Variants in ACER1 observed in about 807,000 individuals in gnomAD.
ACER1 encodes the protein CTB-180A7.3.
ACER1 carries 28 observed loss-of-function variants against 24.9 expected under a neutral mutation model. The observed-to-expected ratio is 1.13, with a 90% CI of 0.83 to 1.54. The LOEUF (loss-of-function observed/expected upper bound fraction) is 1.54, where lower values mean the gene tolerates loss of function less well. Ranked by LOEUF, ACER1 falls within the 40% of genes most tolerant of loss-of-function variation. The pLI is 0.00. For synonymous variants in ACER1, 132 were observed against 131.4 expected, an observed-to-expected ratio of 1.00 and a Z score of -0.03; for missense variants, 352 against 349.3, an observed-to-expected ratio of 1.01 and a Z score of -0.06.
upstream of ACER1, among the ~76,000 whole-genome samples, chr19:6,337,557 G>A (rs1324535197): frequency 6.9e-6 from 1 of 145,018 alleles, no homozygotes; most frequent in Non-Finnish European, 1.5e-5. Flanking sequence ...AGGTTCAAAC[G>A]ATTCTCTTGC....
At chr19:6,338,007 G>A (rs2091721822), upstream of ACER1, among the ~76,000 whole-genome samples, 1 of 151,308 alleles carries the variant, frequency 6.6e-6, no homozygotes, top group South Asian at 2.1e-4. Context: ...TAATATTTTG[G>A]CCCAGTGCAG....
chr19:6,350,510 G>T, the ACER1 span, among the ~76,000 whole-genome samples: 2 of 151,900 alleles, frequency 1.3e-5, no homozygotes, highest in Non-Finnish European at 2.9e-5. Flanking sequence ...GGCGGAGGTT[G>T]CAGTGAGCCG....
the ACER1 span, among the ~76,000 whole-genome samples, chr19:6,347,109 A>AATATATATATATATAT: frequency 3.8e-4 from 43 of 113,760 alleles, no homozygotes; most frequent in African/African-American, 1.9e-3. Context: ...AAAAAAAAAA[A>AATATATATATATATAT]ATATATATAT....
the ACER1 span, among the ~76,000 whole-genome samples, chr19:6,353,960 T>G: frequency 6.6e-6 from 1 of 151,848 alleles, no homozygotes; most frequent in African/African-American, 2.4e-5. Context: ...GGTGGGCAAA[T>G]CACCTGAGGT....
intron 1 of ACER1, among the ~76,000 whole-genome samples, chr19:6,319,833 C>A (rs1044755430): frequency 2.0e-5 from 3 of 151,928 alleles, no homozygotes; most frequent in Non-Finnish European, 2.9e-5. Flanking sequence ...CAGAAGGGGC[C>A]AGGCGCAGTG....
chr19:6,326,879 C>T (rs971209477), intron 1 of ACER1, among the ~76,000 whole-genome samples: 1 of 152,280 alleles, frequency 6.6e-6, no homozygotes, highest in East Asian at 1.9e-4. Flanking sequence ...CATCTCTCCC[C>T]ACATTGTAGC....
chr19:6,352,082 AT>A, the ACER1 span, among the ~76,000 whole-genome samples: 1 of 151,402 alleles, frequency 6.6e-6, no homozygotes, highest in East Asian at 1.9e-4. Context: ...AATTCAAGCC[AT>A]TTAAGTAGTC....
chr19:6,355,496 A>C, the ACER1 span, among the ~76,000 whole-genome samples: 1 of 146,860 alleles, frequency 6.8e-6, no homozygotes, highest in East Asian at 2.0e-4. Flanking sequence ...AGAAGTGAGG[A>C]GCCCCTCTGC....
chr19:6,309,487 A>C (rs1230362098), intron 4 of ACER1, among the ~76,000 whole-genome samples: 1 of 152,018 alleles, frequency 6.6e-6, no homozygotes, highest in Non-Finnish European at 1.5e-5. Flanking sequence ...ACGCCCCTGC[A>C]CTCCAGCCTG....
chr19:6,312,425 G>A lies in ACER1; in HGVS notation c.168C>T (p.Ser56=). 6.2e-7 allele frequency: 1 copy of A among 1,613,952 alleles called. No individual in the cohort carries two copies. The highest frequency in any genetic ancestry group is 1.1e-5 in the South Asian group (1 of 91,074). Residue 56 remains serine, a synonymous_variant, in exon 2 of 6, where the codon TCC becomes TCT. Transcript: ENST00000301452. ...GGACCCAGACAACGTAAATGTAGCG[G>A]GAGCGCTTCTGGGCATACGGGTGCA... The part of the protein sequence containing the change: ...LLMHPYAQKR[S]RYIYVVWVLF...
chr19:6,336,410 A>G (rs976725999), upstream of ACER1, among the ~76,000 whole-genome samples: 43 of 152,184 alleles, frequency 2.8e-4, no homozygotes, highest in Admixed American at 2.2e-3. Flanking sequence ...CAGGCAAGGA[A>G]CACCACCTCT....
At chr19:6,328,020 G>T (rs559667387) in intron 1 of ACER1, among the ~76,000 whole-genome samples, 1 of 151,012 alleles carries the variant, frequency 6.6e-6, no homozygotes, top group African/African-American at 2.4e-5. Context: ...AGGTTGTGGT[G>T]AGCCAAGATT....
Position 6,312,304 on chromosome 19 carries a change from G to C in ACER1, c.209-14C>G. ...TGGAGAACAGGCCTGCAGCGGCAAG[G>C]GCAGGCGGTCAGTGGGGTCCGCCAC... On this transcript the variant is annotated splice_polypyrimidine_tract_variant and intron_variant, in intron 2 of 5. Coordinates refer to ENST00000301452, the MANE Select transcript of ACER1 (RefSeq NM_133492.3). 6.2e-7 allele frequency: 1 copy of C among 1,613,906 alleles called. No homozygotes were observed. Among genetic ancestry groups the C allele is most frequent in the Non-Finnish European group, 8.5e-7 (1 of 1,179,882 alleles).
rs528641474 is a variant in ACER1 at position 6,306,300 on chromosome 19, G to A, written c.*414C>T. ...TGACCTCAGGTGATCCACCCACCTCGGCCTCCCAAAGTGCTGGGATTATAG... is the reference window on the plus strand; with the variant it reads ...TGACCTCAGGTGATCCACCCACCTCAGCCTCCCAAAGTGCTGGGATTATAG... On this transcript the variant is annotated 3_prime_UTR_variant, in exon 6 of 6. Transcript: ENST00000301452. The A allele has an allele frequency of 5.1e-5, 8 of 155,998 alleles. No individual in the cohort carries two copies. In the East Asian group the frequency reaches 5.6e-4, roughly 11 times the overall value. 9.7% of individuals were successfully genotyped at this position (155,998 alleles called of 1,614,324 possible). A position where few individuals can be genotyped will look rare whatever the true frequency, so the allele number is the denominator to read the frequency against.
chr19:6,340,313 A>T, the ACER1 span, among the ~76,000 whole-genome samples: 3 of 33,374 alleles, frequency 9.0e-5, no homozygotes, highest in African/African-American at 3.9e-4. Context: ...GGAAGGAAGG[A>T]AGGAAGGAAG....
chr19:6,340,291 AGAAGGAAGGAAG>A, the ACER1 span, among the ~76,000 whole-genome samples: 3,953 of 85,768 alleles, frequency 0.046, 156 homozygotes, highest in Non-Finnish European at 0.048. Flanking sequence ...AAAAAAAGAA[AGAAGGAAGGAAG>A]GAAGGAAGGA....
chr19:6,357,164 T>C, the ACER1 span, among the ~76,000 whole-genome samples: 1 of 151,440 alleles, frequency 6.6e-6, no homozygotes, highest in South Asian at 2.1e-4. Context: ...CCTGCCTCAG[T>C]CTCTCCCAAG....
intron 1 of ACER1, among the ~76,000 whole-genome samples, chr19:6,328,105 C>T (rs2091670128): frequency 6.7e-6 from 1 of 150,320 alleles, no homozygotes. Flanking sequence ...TGGCATACAG[C>T]CACACCCATT....
the ACER1 span, among the ~76,000 whole-genome samples, chr19:6,357,984 C>T: frequency 2.0e-5 from 3 of 152,178 alleles, no homozygotes; most frequent in Admixed American, 6.5e-5. Context: ...ACGTCAGAGG[C>T]AGGGCAGGCA....
Sources: allele counts gnomAD v4.1 joint callset (sites outside exome capture counted in the v4.1 genomes callset), GRCh38; gene constraint gnomAD v4.1.1; transcripts MANE v1.5; gene names NCBI Gene and HGNC (gene_info 2026-07-23, HGNC 2026-07-21).